PLCH2: variants seen among roughly 807,000 people sequenced by gnomAD.
PLCH2 encodes 1-phosphatidylinositol 4,5-bisphosphate phosphodiesterase eta-2.
A neutral mutation model predicts 134.7 loss-of-function variants in PLCH2; 98 were observed. The ratio of observed to expected loss-of-function variants is 0.73; its 90% CI spans 0.62 to 0.86. PLCH2 has a LOEUF of 0.86. Ranked by LOEUF, PLCH2 falls within the 40% of genes least tolerant of loss-of-function variation. The pLI is 0.00. For synonymous variants in PLCH2, 974 were observed against 827.5 expected, an observed-to-expected ratio of 1.18 and a Z score of -3.04; for missense variants, 1,994 against 1,986.6, an observed-to-expected ratio of 1.00 and a Z score of -0.07.
upstream of PLCH2, among the ~76,000 whole-genome samples, chr1:2,424,805 G>A (rs1173918060): frequency 6.6e-6 from 1 of 152,198 alleles, no homozygotes; most frequent in Non-Finnish European, 1.5e-5. Context: ...GGCTAACACA[G>A]TGAAACCCTG....
At position 2,498,204 on chromosome 1, in the gene PLCH2, G is replaced by A. The variant is rs1319902315; in HGVS notation, c.2225-319G>A. On this transcript the variant is annotated intron_variant, in intron 16 of 21. Transcript: ENST00000378486. This position sits in a 1 kb window ranked among gnomAD's most constrained non-coding sequence, Gnocchi z 5.4. ...AGAGTTCTCAGCCTGAGTGGGCCCT[G>A]GGGACACTGTCACCAGAGACCCCAC... The A allele has an allele frequency of 5.2e-6, 2 of 382,334 alleles. No individual in the cohort carries two copies. The highest frequency in any genetic ancestry group is 5.1e-5 in the East Asian group (1 of 19,612). The allele number at this position is 382,334 out of a possible 1,614,324, so 23.7% of individuals were successfully genotyped here. A position where few individuals can be genotyped will look rare whatever the true frequency, so the allele number is the denominator to read the frequency against.
intron 5 of PLCH2, 137 bp downstream of exon 5, chr1:2,484,755 G>A: frequency 1.1e-6 from 1 of 920,254 alleles, no homozygotes; most frequent in Non-Finnish European, 1.6e-6. Flanking sequence ...GGGCTACCTG[G>A]GCTCATGCCC....
intron 2 of PLCH2, among the ~76,000 whole-genome samples, chr1:2,440,306 C>T (rs970715579): frequency 2.0e-5 from 3 of 152,074 alleles, no homozygotes; most frequent in African/African-American, 4.8e-5. Context: ...GGGGGGCAGG[C>T]GGTGTGCCCT....
chr1:2,489,887 G>C lies in PLCH2; in HGVS notation c.1515+20G>C. On this transcript the variant is annotated intron_variant, in intron 10 of 21. Coordinates refer to ENST00000378486, the MANE Select transcript of PLCH2 (RefSeq NM_014638.4). ...GGGGATGTGAGTCGGGCTGGAGGTGGAGGGGGGCGCGTGGAGCCTGCAGTT... is the reference window on the plus strand; with the variant it reads ...GGGGATGTGAGTCGGGCTGGAGGTGCAGGGGGGCGCGTGGAGCCTGCAGTT... 5.2e-6 allele frequency: 8 copies of C among 1,550,018 alleles called. No homozygotes were observed. The highest frequency in any genetic ancestry group is 1.7e-4 in the Middle Eastern group (1 of 5,944).
intron 21 of PLCH2, chr1:2,502,945 C>T (rs763489308): frequency 1.8e-4 from 130 of 717,102 alleles, no homozygotes; most frequent in Non-Finnish European, 2.9e-4. Flanking sequence ...TCCTCCCGCA[C>T]GCCCCTGGCA....
At chr1:2,418,465 G>A in the PLCH2 span, among the ~76,000 whole-genome samples, 1 of 152,196 alleles carries the variant, frequency 6.6e-6, no homozygotes, top group Non-Finnish European at 1.5e-5. Flanking sequence ...CTAGAAGGAG[G>A]GGCCCCGGGG....
intron 2 of PLCH2, among the ~76,000 whole-genome samples, chr1:2,459,367 G>T (rs995673041): frequency 5.4e-5 from 8 of 148,768 alleles, no homozygotes; most frequent in Non-Finnish European, 7.4e-5. Flanking sequence ...CTTCCTGGTG[G>T]TCCTCCTTGC....
intron 5 of PLCH2, among the ~76,000 whole-genome samples, chr1:2,485,223 T>TGCTCTCTGTAC (rs70956308): frequency 6.6e-6 from 1 of 151,682 alleles, no homozygotes; most frequent in Admixed American, 6.6e-5. Context: ...CAAGGCCAAG[T>TGCTCTCTGTAC]GCTGCCCCAC....
chr1:2,495,650 A>C (rs1047383334), intron 13 of PLCH2, 80 bp downstream of exon 13: 5 of 975,280 alleles, frequency 5.1e-6, no homozygotes, highest in South Asian at 1.7e-5. Flanking sequence ...CGGTGACCCC[A>C]CCAGGACCAT....
exon 2 of PLCH2, chr1:2,430,524 C>T (rs1372994447): frequency 6.6e-6 from 1 of 152,262 alleles, no homozygotes; most frequent in Non-Finnish European, 1.5e-5. Flanking sequence ...CATGATGGCT[C>T]CCCCGACAGC....
chr1:2,467,060 C>T (rs1641089396), upstream of PLCH2, among the ~76,000 whole-genome samples: 1 of 152,128 alleles, frequency 6.6e-6, no homozygotes, highest in South Asian at 2.1e-4. Context: ...TTCTTGGCTG[C>T]AGCCTGCGGG....
upstream of PLCH2, chr1:2,467,353 T>C (rs1570361408): frequency 2.7e-6 from 1 of 370,764 alleles, no homozygotes; most frequent in Non-Finnish European, 4.8e-6. Flanking sequence ...CAGAGGCTGC[T>C]GGGCCCGGGC....
chr1:2,498,421 C>T lies in PLCH2; in HGVS notation c.2225-102C>T. 1 of 1,379,088 alleles carries T rather than the reference C, an allele frequency of 7.3e-7. No homozygotes were observed. The highest frequency in any genetic ancestry group is 9.9e-7 in the Non-Finnish European group (1 of 1,014,502). The allele number at this position is 1,379,088 out of a possible 1,614,324, so 85.4% of individuals were successfully genotyped here. A position where few individuals can be genotyped will look rare whatever the true frequency, so the allele number is the denominator to read the frequency against. On this transcript the variant is annotated intron_variant, in intron 16 of 21. Transcript: ENST00000378486. This position sits in a 1 kb window ranked among gnomAD's most constrained non-coding sequence, Gnocchi z 5.4. ...CTCCCCCTGGCACCGGCTCCAGTCT[C>T]CTATGTGGGGGCTGGGGAGGGGGCT...
intron 1 of PLCH2, among the ~76,000 whole-genome samples, chr1:2,470,658 C>A (rs571457245): frequency 6.6e-6 from 1 of 152,226 alleles, no homozygotes; most frequent in African/African-American, 2.4e-5. Context: ...CTGCCACCCT[C>A]CCTCCCGCGC....
intron 4 of PLCH2, among the ~76,000 whole-genome samples, chr1:2,482,572 T>C (rs562307575): frequency 6.6e-6 from 1 of 152,310 alleles, no homozygotes; most frequent in East Asian, 1.9e-4. Context: ...ACACAGCCTG[T>C]CCCTGGGGTC....
intron 2 of PLCH2, among the ~76,000 whole-genome samples, chr1:2,440,310 G>A (rs1442879312): frequency 6.6e-6 from 1 of 152,184 alleles, no homozygotes; most frequent in Non-Finnish European, 1.5e-5. Flanking sequence ...GGCAGGCGGT[G>A]TGCCCTGGCT....
chr1:2,432,805 G>A (rs1188296212), intron 2 of PLCH2, among the ~76,000 whole-genome samples: 4 of 152,216 alleles, frequency 2.6e-5, no homozygotes, highest in Admixed American at 6.5e-5. Context: ...ACAGCAGGGA[G>A]GGTCCCCAAC....
intron 2 of PLCH2, 47 bp downstream of exon 2, chr1:2,478,669 A>G: frequency 1.3e-6 from 2 of 1,550,166 alleles, no homozygotes; most frequent in Non-Finnish European, 1.7e-6. Context: ...CCCTGGGGGG[A>G]CACGACGGTA....
At position 2,491,417 on chromosome 1, in the gene PLCH2, G is replaced by A. The variant is rs537801114; in HGVS notation, c.1659+82G>A. ...TGTGGGCCAGCCAGGGCCCCCGAAC[G>A]TATGCTCTGTGCGCACTCACACCTG... On this transcript the variant is annotated intron_variant, in intron 11 of 21. Coordinates refer to ENST00000378486, the MANE Select transcript of PLCH2 (RefSeq NM_014638.4). 1.6e-5 allele frequency: 23 copies of A among 1,443,606 alleles called. 1 individual carries two copies. Among genetic ancestry groups the A allele is most frequent in the South Asian group, 2.5e-5 (2 of 80,660 alleles). The allele number at this position is 1,443,606 out of a possible 1,614,324, so 89.4% of individuals were successfully genotyped here. A position where few individuals can be genotyped will look rare whatever the true frequency, so the allele number is the denominator to read the frequency against.
Sources: gnomAD v4.1 joint callset for allele counts (sites outside exome capture counted in the v4.1 genomes callset) on GRCh38, gnomAD v4.1.1 for gene constraint, Gnocchi (gnomAD v3.1) non-coding constraint, MANE v1.5 for transcripts, NCBI Gene and HGNC (gene_info 2026-07-23, HGNC 2026-07-21) for gene names.